Variants in LDLRAD4 observed in about 807,000 individuals in gnomAD.
The protein encoded by LDLRAD4 is low density lipoprotein receptor class A domain containing 4.
A neutral mutation model predicts 17.0 loss-of-function variants in LDLRAD4; 5 were observed. The observed-to-expected ratio is 0.29, with a 90% CI of 0.15 to 0.62. LDLRAD4 has a LOEUF of 0.62. Ranked by LOEUF, LDLRAD4 falls within the 20% of genes least tolerant of loss-of-function variation. The pLI, the probability that LDLRAD4 is intolerant of heterozygous loss-of-function variation, is 0.84. For synonymous variants in LDLRAD4, 168 were observed against 171.8 expected (o/e 0.98, Z 0.17); for missense variants, 340 against 424.7 (o/e 0.80, Z 1.75).
intron 2 of LDLRAD4, among the ~76,000 whole-genome samples, chr18:13,406,664 G>C (rs1170546667): frequency 6.6e-6 from 1 of 152,170 alleles, no homozygotes; most frequent in African/African-American, 2.4e-5. Flanking sequence ...CAGGCTCCTG[G>C]GACCTGGACA....
intron 1 of LDLRAD4, among the ~76,000 whole-genome samples, chr18:13,225,259 G>A (rs1187071933): frequency 6.6e-6 from 1 of 152,226 alleles, no homozygotes; most frequent in Admixed American, 6.5e-5. Flanking sequence ...CCTAAAGGGA[G>A]TACCCAAGAG....
At chr18:13,586,031 G>A (rs574408279) in intron 3 of LDLRAD4, among the ~76,000 whole-genome samples, 1 of 152,148 alleles carries the variant, frequency 6.6e-6, no homozygotes, top group South Asian at 2.1e-4. Context: ...TGAAGCACTG[G>A]AGTGAATGAA....
chr18:13,243,969 A>G (rs2042822030), intron 1 of LDLRAD4, among the ~76,000 whole-genome samples: 1 of 102,740 alleles, frequency 9.7e-6, no homozygotes, highest in African/African-American at 3.9e-5. Context: ...CCATTCATCC[A>G]TCCATCCACC....
At position 13,640,645 on chromosome 18, in the gene LDLRAD4, C is replaced by G. The variant is rs139277809; in HGVS notation, c.337-2714C>G. On this transcript the variant is annotated intron_variant, in intron 4 of 5. Coordinates refer to ENST00000359446, the Ensembl canonical transcript of LDLRAD4. ...GATGGGACCTACACTGGTGGGCTGGCCTGGGAAAGGTCCAGGGCTGGCTTG... is the reference window on the plus strand; with the variant it reads ...GATGGGACCTACACTGGTGGGCTGGGCTGGGAAAGGTCCAGGGCTGGCTTG... 4.2e-3 allele frequency among the ~76,000 whole-genome samples: 641 copies of G among 152,340 alleles called. 3 individuals carry two copies. Among genetic ancestry groups the G allele is most frequent in the Non-Finnish European group, 6.2e-3 (421 of 68,030 alleles).
chr18:13,430,631 A>G (rs986610779), intron 2 of LDLRAD4, among the ~76,000 whole-genome samples: 1 of 152,208 alleles, frequency 6.6e-6, no homozygotes, highest in South Asian at 2.1e-4. Flanking sequence ...GTCTGCATAG[A>G]CTCATTGAGC....
At chr18:13,558,637 G>A (rs191651476) in intron 3 of LDLRAD4, among the ~76,000 whole-genome samples, 129 of 152,326 alleles carry the variant, frequency 8.5e-4, no homozygotes, top group African/African-American at 3.0e-3. Context: ...CTAGCTGAAC[G>A]AGTCCCACGA....
intron 3 of LDLRAD4, among the ~76,000 whole-genome samples, chr18:13,524,657 C>CTA (rs1435519109): frequency 1.3e-5 from 2 of 152,198 alleles, no homozygotes; most frequent in Non-Finnish European, 2.9e-5. Flanking sequence ...TCACTTTCAC[C>CTA]TATCTTTGCT....
At chr18:13,605,658 C>T (rs932766984) in intron 3 of LDLRAD4, among the ~76,000 whole-genome samples, 1 of 152,242 alleles carries the variant, frequency 6.6e-6, no homozygotes, top group East Asian at 1.9e-4. Context: ...CAGCAGGAAG[C>T]ACCTGCCATG....
At chr18:13,386,931 GATA>G (rs1568082762) in intron 1 of LDLRAD4, among the ~76,000 whole-genome samples, 3 of 143,656 alleles carry the variant, frequency 2.1e-5, no homozygotes, top group African/African-American at 8.0e-5. Flanking sequence ...TAGATAGATA[GATA>G]GATAGATAGA....
At chr18:13,231,468 C>T (rs1254161555) in intron 1 of LDLRAD4, among the ~76,000 whole-genome samples, 1 of 152,146 alleles carries the variant, frequency 6.6e-6, no homozygotes, top group Non-Finnish European at 1.5e-5. Flanking sequence ...CGTTTCCTCC[C>T]ATCTTTGTCG....
intron 3 of LDLRAD4, among the ~76,000 whole-genome samples, chr18:13,523,531 C>G (rs780612584): frequency 1.3e-5 from 2 of 152,184 alleles, no homozygotes; most frequent in African/African-American, 4.8e-5. Flanking sequence ...TCAGGAGAGC[C>G]TGACCCAGGC....
intron 1 of LDLRAD4, among the ~76,000 whole-genome samples, chr18:13,239,141 C>T (rs1481389820): frequency 1.4e-5 from 2 of 148,020 alleles, no homozygotes; most frequent in Non-Finnish European, 3.0e-5. Context: ...GAGCTGAGAT[C>T]ACACCACTGT....
At chr18:13,525,577 C>A (rs1368334395) in intron 3 of LDLRAD4, among the ~76,000 whole-genome samples, 1 of 152,226 alleles carries the variant, frequency 6.6e-6, no homozygotes. Flanking sequence ...AATCCTGTTT[C>A]AAATCTGTGT....
chr18:13,499,514 C>G (rs530880430), intron 3 of LDLRAD4, among the ~76,000 whole-genome samples: 1 of 149,598 alleles, frequency 6.7e-6, no homozygotes, highest in African/African-American at 2.5e-5. Flanking sequence ...TTGCCACACA[C>G]GTCCCGCCGT....
intron 1 of LDLRAD4, 66 bp from the exon 3 acceptor site, chr18:13,387,275 C>G (rs1343086081): frequency 2.5e-5 from 4 of 158,876 alleles, no homozygotes; most frequent in Non-Finnish European, 5.5e-5. Flanking sequence ...TCCTTTCTGT[C>G]CTGTGTAAGC....
chr18:13,593,572 TCC>T (rs2095055113), intron 3 of LDLRAD4, among the ~76,000 whole-genome samples: 3 of 139,850 alleles, frequency 2.1e-5, no homozygotes, highest in African/African-American at 9.3e-5. Context: ...TGTCTGTCCG[TCC>T]GTCCGTCCGT....
intron 3 of LDLRAD4, chr18:13,612,545 A>AC (rs11311417): frequency 0.019 from 24,649 of 1,294,554 alleles, 113 homozygotes; most frequent in South Asian, 0.055. Flanking sequence ...ACAGAAACAC[A>AC]CCCCCCCCCC....
At chr18:13,641,545 C>A (rs1345782875) in intron 4 of LDLRAD4, among the ~76,000 whole-genome samples, 1 of 152,280 alleles carries the variant, frequency 6.6e-6, no homozygotes, top group African/African-American at 2.4e-5. Context: ...AGGGCAGCGG[C>A]CTCTGCCCAG....
chr18:13,243,066 T>G (rs956745511), intron 1 of LDLRAD4, among the ~76,000 whole-genome samples: 1 of 152,282 alleles, frequency 6.6e-6, no homozygotes, highest in Non-Finnish European at 1.5e-5. Flanking sequence ...TTGGGGCTGT[T>G]TTGTATGCTG....
Sources: gnomAD v4.1 joint callset for allele counts (sites outside exome capture counted in the v4.1 genomes callset) on GRCh38, gnomAD v4.1.1 for gene constraint, MANE v1.5 for transcripts, NCBI Gene and HGNC (gene_info 2026-07-23, HGNC 2026-07-21) for gene names.